HACE1: variants seen among roughly 807,000 people sequenced by gnomAD.
The protein encoded by HACE1 is HECT domain and ankyrin repeat containing E3 ubiquitin protein ligase 1.
In HACE1, 73 loss-of-function variants were observed where a neutral mutation model predicts 118.4. The ratio of observed to expected loss-of-function variants is 0.62; its 90% CI spans 0.51 to 0.75. The LOEUF is 0.75. Among genes scored for constraint, HACE1 ranks in the 30% least tolerant of loss-of-function variants. HACE1 has a pLI of 0.00. For missense variants in HACE1, 749 were observed against 1,102.2 expected (o/e 0.68, Z 4.54); for synonymous variants, 368 against 374.8 (o/e 0.98, Z 0.21).
At chr6:104,846,490 C>G (rs1327751140) in intron 4 of HACE1, among the ~76,000 whole-genome samples, 3 of 152,174 alleles carry the variant, frequency 2.0e-5, no homozygotes, top group Non-Finnish European at 4.4e-5. Flanking sequence ...TATGGCAACC[C>G]AAATTACACA....
rs1341255122 is a variant in HACE1 at position 104,731,411 on chromosome 6, A to ACAGT, written c.2514-999_2514-996dup. The ACAGT allele has an allele frequency of 1.6e-4, 25 of 152,230 alleles. No individual in the cohort carries two copies. In the East Asian group the frequency reaches 3.9e-3, roughly 23 times the overall value. 9.4% of individuals were successfully genotyped at this position (152,230 alleles called of 1,614,324 possible). ...AAAAGTTGAACCTCAAATAGCCTAA[A>ACAGT]CAGTCTAGAAAAAAAAGAACAAAGG... On this transcript the variant is annotated intron_variant, in intron 22 of 23. Transcript: ENST00000262903.
intron 7 of HACE1, among the ~76,000 whole-genome samples, chr6:104,808,499 C>A (rs1159115210): frequency 6.6e-6 from 1 of 152,148 alleles, no homozygotes; most frequent in Non-Finnish European, 1.5e-5. Flanking sequence ...GGGATTTGAA[C>A]CTGCCTACAC....
At chr6:104,801,223 A>C (rs1219882392) in intron 7 of HACE1, among the ~76,000 whole-genome samples, 3 of 152,232 alleles carry the variant, frequency 2.0e-5, no homozygotes, top group Admixed American at 6.5e-5. Context: ...CTATGTGAAA[A>C]GACCAATCTA....
At chr6:104,739,610 G>C (rs543975869) in intron 22 of HACE1, among the ~76,000 whole-genome samples, 1 of 152,086 alleles carries the variant, frequency 6.6e-6, no homozygotes, top group East Asian at 1.9e-4. Flanking sequence ...TCAACAAGAA[G>C]AGCTAACTAT....
At chr6:104,847,541 C>G (rs1302504906) in intron 4 of HACE1, among the ~76,000 whole-genome samples, 1 of 152,208 alleles carries the variant, frequency 6.6e-6, no homozygotes, top group African/African-American at 2.4e-5. Flanking sequence ...TGGAGCAGAT[C>G]AGCAAGAGTC....
intron 7 of HACE1, among the ~76,000 whole-genome samples, chr6:104,802,628 G>A (rs1017128389): frequency 2.6e-5 from 4 of 152,136 alleles, no homozygotes; most frequent in East Asian, 1.9e-4. Context: ...GGTAAATAAC[G>A]AAATGAAGGC....
chr6:104,811,243 T>C lies in HACE1; in HGVS notation c.617+68A>G, dbSNP rs377178278. On this transcript the variant is annotated intron_variant, in intron 7 of 23. Transcript: ENST00000262903. ...CTGGAAATATATATATTTCTTTATT[T>C]ATACATATATATATATATATATATA... 6,143 of 219,448 alleles carry C rather than the reference T, an allele frequency of 0.028. 150 individuals are homozygous for C. The highest frequency in any genetic ancestry group is 0.036 in the Non-Finnish European group (4,502 of 123,894). The allele number at this position is 219,448 out of a possible 1,614,324, so 13.6% of individuals were successfully genotyped here.
At position 104,756,426 on chromosome 6, in the gene HACE1, A is replaced by AAAAT. The variant is rs373731009; in HGVS notation, c.2212-5955_2212-5954insATTT. Among the ~76,000 whole-genome samples, 73 of 105,948 alleles carry AAAAT rather than the reference A, an allele frequency of 6.9e-4. 2 individuals carry two copies. The South Asian group carries it at 0.024, about 34-fold the overall frequency. 69.5% of individuals were successfully genotyped at this position (105,948 alleles called of 152,430 possible). On this transcript the variant is annotated intron_variant, in intron 19 of 23. Transcript: ENST00000262903. ...GATTCCATCTCAAAAAAAAAAAAAA[A>AAAAT]ATATATATATATATATATATACACA...
intron 20 of HACE1, among the ~76,000 whole-genome samples, chr6:104,748,297 T>TA (rs1777659635): frequency 6.6e-6 from 1 of 151,872 alleles, no homozygotes; most frequent in African/African-American, 2.4e-5. Flanking sequence ...ATAGACACTT[T>TA]GAAAACAGTA....
At chr6:104,799,774 G>A (rs962573025) in intron 7 of HACE1, among the ~76,000 whole-genome samples, 34 of 152,120 alleles carry the variant, frequency 2.2e-4, no homozygotes, top group African/African-American at 5.3e-4. Flanking sequence ...CAAGATGGCC[G>A]AATATGAACA....
chr6:104,750,442 G>A lies in HACE1; in HGVS notation c.2242C>T (p.Arg748Ter), dbSNP rs869025281. ...AEYVQLVTEL[R>*]MTRAIQPQIN... is the part of the protein sequence containing the mutation. ...TGAGGCTGAATGGCTCTTGTCATTC[G>A]AAGTTCAGTAACAAGCTGGACGTAC... Residue 748 changes from arginine to a stop codon, truncating the protein, a stop_gained, in exon 20 of 24, where the codon CGA becomes TGA. Transcript: ENST00000262903. LOFTEE classifies it high-confidence loss of function. 2.5e-6 allele frequency: 4 copies of A among 1,613,460 alleles called. No individual in the cohort carries two copies. The highest frequency in any genetic ancestry group is 1.7e-5 in the Admixed American group (1 of 59,964).
At chr6:104,836,929 A>T (rs1327727376) in intron 5 of HACE1, among the ~76,000 whole-genome samples, 1 of 152,208 alleles carries the variant, frequency 6.6e-6, no homozygotes, top group East Asian at 1.9e-4. Context: ...TGAAACAGTT[A>T]TATGCTTACC....
In HACE1 at chr6:104,813,343, GC is replaced by G. The variant is rs373394500; in HGVS notation, c.535-1951del. Among the ~76,000 whole-genome samples the G allele has an allele frequency of 9.2e-4, 127 of 137,886 alleles. 27 individuals are homozygous for G. The highest frequency in any genetic ancestry group is 3.3e-3 in the African/African-American group (115 of 34,538). The allele number at this position is 137,886 out of a possible 152,430, so 90.5% of individuals were successfully genotyped here. A position where few individuals can be genotyped will look rare whatever the true frequency, so the allele number is the denominator to read the frequency against. ...TTTCCACAACAAAATTTTAAAATTA[GC>G]CATGCATGGTGCTGCATGCAAGACG... On this transcript the variant is annotated intron_variant, in intron 6 of 23. Transcript: ENST00000262903.
intron 11 of HACE1, among the ~76,000 whole-genome samples, chr6:104,788,456 C>A (rs1483195661): frequency 6.6e-6 from 1 of 151,966 alleles, no homozygotes; most frequent in African/African-American, 2.4e-5. Flanking sequence ...TCAAGAAGTG[C>A]TGAAATGAGG....
At chr6:104,755,835 T>C (rs909982816) in intron 19 of HACE1, among the ~76,000 whole-genome samples, 12 of 152,120 alleles carry the variant, frequency 7.9e-5, no homozygotes, top group Admixed American at 6.5e-4. Context: ...GCTAGAAAGA[T>C]CTCAAGTTAA....
At chr6:104,776,897 C>T in intron 16 of HACE1, 69 bp from the exon 17 acceptor site, 1 of 1,338,768 alleles carries the variant, frequency 7.5e-7, no homozygotes, top group Non-Finnish European at 1.1e-6. Flanking sequence ...TTCTAAATAA[C>T]AAAATTTAAA....
At chr6:104,830,016 T>C (rs771432373) in intron 6 of HACE1, among the ~76,000 whole-genome samples, 1 of 152,224 alleles carries the variant, frequency 6.6e-6, no homozygotes. Flanking sequence ...TAATTCTTGC[T>C]TCTATACTGG....
At chr6:104,803,818 C>T (rs1172422663) in intron 7 of HACE1, among the ~76,000 whole-genome samples, 1 of 152,118 alleles carries the variant, frequency 6.6e-6, no homozygotes, top group Admixed American at 6.6e-5. Flanking sequence ...AGAAGGATGC[C>T]GTCTCTCACC....
intron 5 of HACE1, among the ~76,000 whole-genome samples, chr6:104,839,965 T>C (rs1173526834): frequency 1.4e-4 from 21 of 152,156 alleles, no homozygotes; most frequent in Middle Eastern, 3.4e-3. Flanking sequence ...GAGATTGCAC[T>C]ACTGCACTCT....
Sources: allele counts gnomAD v4.1 joint callset (sites outside exome capture counted in the v4.1 genomes callset), GRCh38; gene constraint gnomAD v4.1.1; transcripts MANE v1.5; gene names NCBI Gene and HGNC (gene_info 2026-07-23, HGNC 2026-07-21).